Variants in TMEM98 observed in about 807,000 individuals in gnomAD.
TMEM98 encodes transmembrane protein 98.
Under a neutral mutation model 25.0 loss-of-function variants are expected in TMEM98, and 18 were observed. The ratio of observed to expected loss-of-function variants is 0.72; its 90% CI spans 0.50 to 1.07. The LOEUF (loss-of-function observed/expected upper bound fraction) is 1.07, where lower values mean the gene tolerates loss of function less well. TMEM98 is among the 50% of genes least tolerant of loss of function. The pLI is 0.00. For missense variants in TMEM98, 241 were observed against 289.0 expected (o/e 0.83, Z 1.20); for synonymous variants, 103 against 112.4 (o/e 0.92, Z 0.53).
At position 32,942,090 on chromosome 17, in the gene TMEM98, G is replaced by A. The variant is rs992496525; in HGVS notation, c.*1097G>A. 1.3e-5 allele frequency: 2 copies of A among 152,154 alleles called. No individual in the cohort carries two copies. The allele number at this position is 152,154 out of a possible 1,614,324, so 9.4% of individuals were successfully genotyped here. On this transcript the variant is annotated 3_prime_UTR_variant, in exon 8 of 8. Coordinates refer to ENST00000579849, the MANE Select transcript of TMEM98 (RefSeq NM_015544.3). ...ATATTTAAAGACCTCTTGGAGTTCAGGCAGAAGTGAAGATAGCACTATGAA... is the reference window on the plus strand; with the variant it reads ...ATATTTAAAGACCTCTTGGAGTTCAAGCAGAAGTGAAGATAGCACTATGAA...
At chr17:32,940,496 G>T (rs2151115266) in intron 7 of TMEM98, among the ~76,000 whole-genome samples, 1 of 152,240 alleles carries the variant, frequency 6.6e-6, no homozygotes, top group South Asian at 2.1e-4. Context: ...GCAGAAAATG[G>T]CTTCCACAGT....
chr17:32,936,561 G>A (rs1019058001), intron 6 of TMEM98, 114 bp downstream of exon 6: 1 of 843,900 alleles, frequency 1.2e-6, no homozygotes, highest in Non-Finnish European at 1.9e-6. Context: ...GGCAACTTCA[G>A]CTATTTGTTT....
At position 32,941,961 on chromosome 17, in the gene TMEM98, G is replaced by A. The variant is rs2091533230; in HGVS notation, c.*968G>A. ...GTAGGCTGAGGTGGGAGGATCGCTTGAGCCCAGGAGGTGAAGGTTGCAGTG... is the reference window on the plus strand; with the variant it reads ...GTAGGCTGAGGTGGGAGGATCGCTTAAGCCCAGGAGGTGAAGGTTGCAGTG... On this transcript the variant is annotated 3_prime_UTR_variant, in exon 8 of 8. Coordinates refer to ENST00000579849, the MANE Select transcript of TMEM98 (RefSeq NM_015544.3). 1 of 152,216 alleles carries A rather than the reference G, an allele frequency of 6.6e-6. No homozygotes were observed. Among genetic ancestry groups the A allele is most frequent in the African/African-American group, 2.4e-5 (1 of 41,410 alleles). 9.4% of individuals were successfully genotyped at this position (152,216 alleles called of 1,614,324 possible). A position where few individuals can be genotyped will look rare whatever the true frequency, so the allele number is the denominator to read the frequency against.
At position 32,941,729 on chromosome 17, in the gene TMEM98, C is replaced by T. The variant is rs2091532166; in HGVS notation, c.*736C>T. The T allele has an allele frequency of 6.6e-6, 1 of 152,138 alleles. No individual in the cohort carries two copies. Among genetic ancestry groups the T allele is most frequent in the Non-Finnish European group, 1.5e-5 (1 of 68,028 alleles). The allele number at this position is 152,138 out of a possible 1,614,324, so 9.4% of individuals were successfully genotyped here. ...GATGGAAGGAGAGAGCCTAAGAATC[C>T]TGAGGATGATTTCTGTGTATGCCTC... On this transcript the variant is annotated 3_prime_UTR_variant, in exon 8 of 8. Transcript: ENST00000579849.
intron 6 of TMEM98, among the ~76,000 whole-genome samples, chr17:32,937,567 T>C (rs1598203226): frequency 1.3e-5 from 2 of 152,160 alleles, no homozygotes; most frequent in Non-Finnish European, 2.9e-5. Context: ...GGGTGGGCAC[T>C]GGGCATTCCT....
In TMEM98 at chr17:32,934,316, A is replaced by T. The variant is rs373065861; in HGVS notation, c.289A>T (p.Ile97Phe). 3 of 1,613,958 alleles carry T rather than the reference A, an allele frequency of 1.9e-6. No homozygotes were observed. The highest frequency in any genetic ancestry group is 1.7e-6 in the Non-Finnish European group (2 of 1,180,006). The change falls in exon 5 of 8, where the codon ATC (isoleucine) becomes TTC (phenylalanine). Residue 97 changes from isoleucine to phenylalanine, a missense_variant. By Grantham distance (21) the Ile-to-Phe change is conservative (BLOSUM62 0). Coordinates refer to ENST00000579849, the MANE Select transcript of TMEM98 (RefSeq NM_015544.3). ...ASGLMSHCIAILKICHTLTEK... is the reference protein window; with the variant it reads ...ASGLMSHCIAFLKICHTLTEK... ...GGGTCTCATGTCCCACTGCATTGCC[A>T]TCTTGAAGGTAACCCTCTCTTATTT...
chr17:32,934,168 C>T, intron 4 of TMEM98, 123 bp from the exon 5 acceptor site: 1 of 1,035,072 alleles, frequency 9.7e-7, no homozygotes, highest in Non-Finnish European at 1.5e-6. Flanking sequence ...GAGGCATTCC[C>T]ACTCTCAGTG....
chr17:32,933,456 A>G (rs1396693718), intron 4 of TMEM98, 151 bp downstream of exon 4: 13 of 1,116,428 alleles, frequency 1.2e-5, no homozygotes, highest in South Asian at 9.1e-5. Flanking sequence ...GAAAATCAGA[A>G]TATGACTTGA....
chr17:32,938,157 T>A (rs2091507421), intron 6 of TMEM98, among the ~76,000 whole-genome samples: 1 of 152,164 alleles, frequency 6.6e-6, no homozygotes, highest in Non-Finnish European at 1.5e-5. Context: ...TTGGACTACT[T>A]CTAGAATGCT....
At position 32,933,285 on chromosome 17, in the gene TMEM98, A is replaced by G; in HGVS notation, c.243A>G (p.Glu81=). Residue 81 remains glutamate (E), a synonymous_variant, in exon 4 of 8, where the codon GAA becomes GAG. Transcript: ENST00000579849. ...ACATTGAGGCCATTCTGGAGAATGA[A>G]GACTGGATCGAAGATGCCTCGTAAG... is the stretch of plus-strand genomic sequence containing the variant. ...NPHIEAILEN[E]DWIEDASGLM... 2 of 1,614,186 alleles carry G rather than the reference A, an allele frequency of 1.2e-6. No individual in the cohort carries two copies. The highest frequency in any genetic ancestry group is 1.1e-5 in the South Asian group (1 of 91,078).
chr17:32,939,625 T>C (rs2091517900), intron 7 of TMEM98, 89 bp downstream of exon 7: 6 of 1,545,818 alleles, frequency 3.9e-6, no homozygotes, highest in Non-Finnish European at 5.3e-6. Flanking sequence ...GACTGGCTTG[T>C]GTAGGGAGGG....
At chr17:32,929,379 A>C (rs573199126) in intron 1 of TMEM98, among the ~76,000 whole-genome samples, 1 of 152,106 alleles carries the variant, frequency 6.6e-6, no homozygotes, top group African/African-American at 2.4e-5. Flanking sequence ...GAGGAAACCA[A>C]GTGGGTGGTC....
At chr17:32,935,034 C>A (rs766200963) in intron 5 of TMEM98, among the ~76,000 whole-genome samples, 3 of 151,760 alleles carry the variant, frequency 2.0e-5, no homozygotes, top group Admixed American at 6.6e-5. Context: ...ACATCAGTAA[C>A]CTGGGTAATC....
chr17:32,935,963 A>C (rs989020149), intron 5 of TMEM98, among the ~76,000 whole-genome samples: 2 of 152,176 alleles, frequency 1.3e-5, no homozygotes, highest in African/African-American at 4.8e-5. Flanking sequence ...TGTTGGAGAT[A>C]TTTATTCTTG....
rs1347706558 is a variant in TMEM98 at position 32,939,360 on chromosome 17, T to G, written c.414-117T>G. 18 of 1,018,452 alleles carry G rather than the reference T, an allele frequency of 1.8e-5. No homozygotes were observed. In the Admixed American group the frequency reaches 3.6e-4, roughly 20 times the overall value. The allele number at this position is 1,018,452 out of a possible 1,614,324, so 63.1% of individuals were successfully genotyped here. On this transcript the variant is annotated intron_variant, in intron 6 of 7. Coordinates refer to ENST00000579849, the MANE Select transcript of TMEM98 (RefSeq NM_015544.3). ...AGGTGGATGTTGCAGTGAGCTGAGA[T>G]AGCACCACTGCACTCCAGCCTGGGT...
rs929914140 is a variant in TMEM98, at chr17:32,938,718, G to T, written c.414-759G>T. 3.3e-5 allele frequency among the ~76,000 whole-genome samples: 5 copies of T among 151,940 alleles called. No individual in the cohort carries two copies. The East Asian group carries it at 9.7e-4, about 29-fold the overall frequency. On this transcript the variant is annotated intron_variant, in intron 6 of 7. Coordinates refer to ENST00000579849, the MANE Select transcript of TMEM98 (RefSeq NM_015544.3). The stretch of plus-strand genomic sequence containing the variant: ...AATGCTTATAAAAATGTGAAATACT[G>T]CAGACATACATGACCTGGAAAGTCT...
chr17:32,940,374 G>A (rs1167726091), intron 7 of TMEM98, among the ~76,000 whole-genome samples: 4 of 152,134 alleles, frequency 2.6e-5, no homozygotes, highest in African/African-American at 9.7e-5. Context: ...TTAAGTGAGG[G>A]TGTGTCTGTC....
intron 6 of TMEM98, among the ~76,000 whole-genome samples, chr17:32,938,522 C>T (rs1327960214): frequency 6.6e-6 from 1 of 152,118 alleles, no homozygotes; most frequent in Non-Finnish European, 1.5e-5. Context: ...AAACCTTGTG[C>T]CACGCAAATC....
At chr17:32,932,904 C>A (rs1375061685) in intron 3 of TMEM98, among the ~76,000 whole-genome samples, 1 of 151,998 alleles carries the variant, frequency 6.6e-6, no homozygotes, top group Non-Finnish European at 1.5e-5. Flanking sequence ...GTAGTTATAC[C>A]CTACTCTTTC....
Sources: allele counts gnomAD v4.1 joint callset (sites outside exome capture counted in the v4.1 genomes callset), GRCh38; gene constraint gnomAD v4.1.1; transcripts MANE v1.5; gene names NCBI Gene and HGNC (gene_info 2026-07-23, HGNC 2026-07-21).